RBFOX1: variants seen among roughly 807,000 people sequenced by gnomAD.
The protein encoded by RBFOX1 is RNA binding protein fox-1 homolog 1.
A neutral mutation model predicts 57.7 loss-of-function variants in RBFOX1; 8 were observed. That is an observed-to-expected ratio of 0.14 (90% confidence interval 0.08 to 0.25). The LOEUF (loss-of-function observed/expected upper bound fraction) is 0.25. RBFOX1 is among the 10% of genes least tolerant of loss of function. The probability of loss-of-function intolerance (pLI) is 1.00; values close to 1 mark genes in which losing one functional copy is unlikely to be tolerated. For synonymous variants in RBFOX1, 326 were observed against 222.4 expected (o/e 1.47, Z -4.15); for missense variants, 611 against 548.5 (o/e 1.11, Z -1.14).
At chr16:6,897,479 G>T (rs150061707) in intron 3 of RBFOX1, among the ~76,000 whole-genome samples, 11 of 152,166 alleles carry the variant, frequency 7.2e-5, no homozygotes, top group Non-Finnish European at 1.5e-4. Flanking sequence ...GCTTCCCACT[G>T]TATTTAAGAA....
At chr16:7,690,126 A>T (rs895137550) in intron 14 of RBFOX1, among the ~76,000 whole-genome samples, 2 of 152,054 alleles carry the variant, frequency 1.3e-5, no homozygotes, top group Non-Finnish European at 2.9e-5. Context: ...CAGCTGGGCC[A>T]CATATTAGAG....
rs193300930 is a variant in RBFOX1, at chr16:5,389,080, A to T, written c.220-78136A>T. The stretch of plus-strand genomic sequence containing the variant: ...GTGGCAGGCCCCTGTAGTCCCAGCT[A>T]CTCGGGAGGCTGAGGCAGGAGAATG... On this transcript the variant is annotated intron_variant, in intron 1 of 2. Coordinates refer to the RBFOX1 transcript ENST00000585867. Among the ~76,000 whole-genome samples, 594 of 151,588 alleles carry T rather than the reference A, an allele frequency of 3.9e-3. 1 individual carries two copies. Among genetic ancestry groups the T allele is most frequent in the Non-Finnish European group, 6.6e-3 (448 of 67,814 alleles).
intron 3 of RBFOX1, among the ~76,000 whole-genome samples, chr16:5,863,650 G>A (rs1373265030): frequency 6.6e-6 from 1 of 152,130 alleles, no homozygotes; most frequent in Non-Finnish European, 1.5e-5. Context: ...CGTAGAGAGG[G>A]TTCTAGATAC....
At chr16:7,187,864 C>A (rs2084318431) in intron 4 of RBFOX1, among the ~76,000 whole-genome samples, 1 of 151,942 alleles carries the variant, frequency 6.6e-6, no homozygotes, top group African/African-American at 2.4e-5. Flanking sequence ...TAATTTATGG[C>A]GGTCATATTG....
At chr16:7,644,955 A>G (rs1341466285) in intron 11 of RBFOX1, among the ~76,000 whole-genome samples, 1 of 152,196 alleles carries the variant, frequency 6.6e-6, no homozygotes, top group African/African-American at 2.4e-5. Flanking sequence ...GCCAAAAGCC[A>G]CTGAAATACA....
At chr16:5,424,988 C>CTTTCTTTCTTTCT (rs1567490725) in intron 1 of RBFOX1, among the ~76,000 whole-genome samples, 1 of 75,276 alleles carries the variant, frequency 1.3e-5, no homozygotes, top group African/African-American at 6.2e-5. Context: ...CTTTTCTTTT[C>CTTTCTTTCTTTCT]TTTTCTTTTC....
At chr16:6,962,189 G>C (rs1000759704) in intron 3 of RBFOX1, among the ~76,000 whole-genome samples, 1 of 152,240 alleles carries the variant, frequency 6.6e-6, no homozygotes, top group African/African-American at 2.4e-5. Flanking sequence ...GTTTATGGCA[G>C]AATGACTCCA....
intron 3 of RBFOX1, among the ~76,000 whole-genome samples, chr16:6,792,962 G>C (rs1448833022): frequency 2.0e-5 from 3 of 151,512 alleles, no homozygotes; most frequent in Non-Finnish European, 4.4e-5. Context: ...CCGTGAGGCA[G>C]AGGTTGCAGT....
chr16:7,274,417 C>T (rs2095400523), intron 4 of RBFOX1, among the ~76,000 whole-genome samples: 1 of 152,132 alleles, frequency 6.6e-6, no homozygotes, highest in Admixed American at 6.5e-5. Flanking sequence ...ACCCCTCTCA[C>T]ACACACACCA....
At chr16:6,261,031 T>G (rs1284209541) in intron 1 of RBFOX1, among the ~76,000 whole-genome samples, 2 of 152,240 alleles carry the variant, frequency 1.3e-5, no homozygotes, top group Non-Finnish European at 1.5e-5. Flanking sequence ...GACTATCTTT[T>G]GCTTAGAGTG....
chr16:7,118,184 G>A (rs549702331), intron 4 of RBFOX1, among the ~76,000 whole-genome samples: 1 of 152,230 alleles, frequency 6.6e-6, no homozygotes, highest in African/African-American at 2.4e-5. Context: ...CATAGAGGTT[G>A]TGCTAATTTA....
Position 6,450,851 on chromosome 16 carries a change from A to ACATATATATGTG in RBFOX1, c.-64+133794_-64+133795insCATATATATGTG, listed in dbSNP as rs1567304075. Among the ~76,000 whole-genome samples, 53 of 64,960 alleles carry ACATATATATGTG rather than the reference A, an allele frequency of 8.2e-4. 3 individuals are homozygous for ACATATATATGTG. The highest frequency in any genetic ancestry group is 2.9e-3 in the African/African-American group (51 of 17,492). The allele number at this position is 64,960 out of a possible 152,430, so 42.6% of individuals were successfully genotyped here. On this transcript the variant is annotated intron_variant, in intron 2 of 15. Coordinates refer to ENST00000550418, the MANE Select transcript of RBFOX1 (RefSeq NM_018723.4). Reference sequence around the variant, plus strand: ...TATATATATATGTGTATATATATATATATATATATATATATATATATATCT... The same window carrying ACATATATATGTG: ...TATATATATATGTGTATATATATATACATATATATGTGTATATATATATATATATATATATCT...
rs72766986 is a variant in RBFOX1, at chr16:5,804,973, A to G, written c.319-62330A>G. On this transcript the variant is annotated intron_variant, in intron 3 of 19. Coordinates refer to the RBFOX1 transcript ENST00000641259. ...AATAGTCCCACTAAAACTGCAGTATATTGGAAAATTTTGTAGATGAAGTGC... is the reference window on the plus strand; with the variant it reads ...AATAGTCCCACTAAAACTGCAGTATGTTGGAAAATTTTGTAGATGAAGTGC... Among the ~76,000 whole-genome samples, 1,462 of 152,248 alleles carry G rather than the reference A, an allele frequency of 9.6e-3. 9 individuals are homozygous for G. Among genetic ancestry groups the G allele is most frequent in the Non-Finnish European group, 0.015 (1,006 of 68,022 alleles).
intron 3 of RBFOX1, among the ~76,000 whole-genome samples, chr16:5,721,364 G>T (rs1431960422): frequency 2.6e-5 from 4 of 152,050 alleles, no homozygotes; most frequent in Non-Finnish European, 5.9e-5. Context: ...TGGGTATGTG[G>T]GTGCGGATTA....
At chr16:7,673,276 G>C (rs1240716073) in intron 13 of RBFOX1, among the ~76,000 whole-genome samples, 1 of 152,196 alleles carries the variant, frequency 6.6e-6, no homozygotes, top group Non-Finnish European at 1.5e-5. Context: ...AGGTCCCTCA[G>C]TGTTCATGAA....
At chr16:6,840,557 T>C (rs1316595572) in intron 3 of RBFOX1, among the ~76,000 whole-genome samples, 1 of 152,026 alleles carries the variant, frequency 6.6e-6, no homozygotes, top group African/African-American at 2.4e-5. Flanking sequence ...GATGGGGCCA[T>C]AGAGCATAGC....
intron 2 of RBFOX1, among the ~76,000 whole-genome samples, chr16:5,530,933 T>TAAAAAAAAAAAA (rs59311923): frequency 1.8e-4 from 10 of 55,038 alleles, no homozygotes; most frequent in South Asian, 9.7e-4. Context: ...ACTAAAAATA[T>TAAAAAAAAAAAA]AAAAAAAAAA....
intron 1 of RBFOX1, among the ~76,000 whole-genome samples, chr16:5,454,940 T>C (rs1159041848): frequency 4.0e-5 from 2 of 50,368 alleles, no homozygotes; most frequent in African/African-American, 7.2e-5. Flanking sequence ...CCTTCCTTCC[T>C]TCCTTCCTTC....
At chr16:6,063,819 G>A (rs1482619363) in intron 1 of RBFOX1, among the ~76,000 whole-genome samples, 1 of 152,106 alleles carries the variant, frequency 6.6e-6, no homozygotes, top group African/African-American at 2.4e-5. Context: ...TGGTCACTGG[G>A]ATGTAGATGC....
Sources: allele counts gnomAD v4.1 joint callset (sites outside exome capture counted in the v4.1 genomes callset), GRCh38; gene constraint gnomAD v4.1.1; transcripts MANE v1.5; gene names NCBI Gene and HGNC (gene_info 2026-07-23, HGNC 2026-07-21).